CAMTA1: variants seen among roughly 807,000 people sequenced by gnomAD.
The protein encoded by CAMTA1 is calmodulin binding transcription activator 1.
Under a neutral mutation model 170.9 loss-of-function variants are expected in CAMTA1, and 27 were observed. The observed-to-expected ratio is 0.16, with a 90% CI of 0.12 to 0.22. The LOEUF (loss-of-function observed/expected upper bound fraction) is 0.22. Ranked by LOEUF, CAMTA1 falls within the 10% of genes least tolerant of loss-of-function variation. CAMTA1 has a pLI of 1.00. For missense variants in CAMTA1, 1,619 were observed against 2,217.2 expected, an observed-to-expected ratio of 0.73 and a Z score of 5.42; for synonymous variants, 833 against 891.5, an observed-to-expected ratio of 0.93 and a Z score of 1.17.
At chr1:7,388,667 G>A (rs2088312122) in intron 5 of CAMTA1, among the ~76,000 whole-genome samples, 1 of 152,182 alleles carries the variant, frequency 6.6e-6, no homozygotes, top group Non-Finnish European at 1.5e-5. Context: ...CTGAGTCCAG[G>A]GGGCCTGGCC....
chr1:7,205,019 C>T (rs944870001), intron 4 of CAMTA1, among the ~76,000 whole-genome samples: 1 of 151,676 alleles, frequency 6.6e-6, no homozygotes, highest in African/African-American at 2.4e-5. Flanking sequence ...TTAGTAGAGA[C>T]GGGGTTTCAC....
chr1:7,346,366 C>T (rs2084219189), intron 5 of CAMTA1, among the ~76,000 whole-genome samples: 1 of 152,176 alleles, frequency 6.6e-6, no homozygotes, highest in Admixed American at 6.5e-5. Context: ...TTCTGATTGT[C>T]TCTGGATCTG....
intron 5 of CAMTA1, among the ~76,000 whole-genome samples, chr1:7,331,364 G>A (rs2083026978): frequency 6.6e-6 from 1 of 152,176 alleles, no homozygotes; most frequent in Non-Finnish European, 1.5e-5. Flanking sequence ...CCTCATGCGG[G>A]TCTCAGGACC....
rs546769499 is a variant in CAMTA1 at position 7,580,985 on chromosome 1, G to A, written c.511-59415G>A. ...TAAAAGGTTGTTGAGAAAATGGAAC[G>A]ACTGCAGAGCTTAGTAAAGTGCCAC... On this transcript the variant is annotated intron_variant, in intron 6 of 22. Coordinates refer to ENST00000303635, the MANE Select transcript of CAMTA1 (RefSeq NM_015215.4). The surrounding 1 kb of genome is among the most constrained non-coding windows in gnomAD (Gnocchi z 4.3). Among the ~76,000 whole-genome samples the A allele has an allele frequency of 3.4e-4, 51 of 152,220 alleles. No homozygotes were observed. Among genetic ancestry groups the A allele is most frequent in the Admixed American group, 1.2e-3 (18 of 15,286 alleles).
intron 6 of CAMTA1, among the ~76,000 whole-genome samples, chr1:7,604,004 A>G (rs2095466786): frequency 6.6e-6 from 1 of 152,186 alleles, no homozygotes; most frequent in Admixed American, 6.5e-5. Context: ...AATGTTGAAT[A>G]TTGGCCCCCA....
intron 5 of CAMTA1, among the ~76,000 whole-genome samples, chr1:7,366,754 C>A (rs1007974098): frequency 6.6e-6 from 1 of 152,226 alleles, no homozygotes; most frequent in Non-Finnish European, 1.5e-5. Flanking sequence ...CAGCCTTGTG[C>A]GTTGACAGGA....
chr1:6,946,768 T>C (rs1005861101), intron 3 of CAMTA1, among the ~76,000 whole-genome samples: 43 of 152,348 alleles, frequency 2.8e-4, no homozygotes, highest in African/African-American at 1.0e-3. Flanking sequence ...ATGGGTTGTC[T>C]TTTCACTTCC....
intron 3 of CAMTA1, among the ~76,000 whole-genome samples, chr1:7,028,895 A>G (rs530215597): frequency 6.6e-6 from 1 of 152,100 alleles, no homozygotes; most frequent in South Asian, 2.1e-4. Flanking sequence ...TCAGATAAGT[A>G]CTAAGAAGGA....
chr1:7,155,999 T>A (rs1331448672), intron 4 of CAMTA1, among the ~76,000 whole-genome samples: 1 of 152,058 alleles, frequency 6.6e-6, no homozygotes, highest in Non-Finnish European at 1.5e-5. Context: ...ACAGCTGTAA[T>A]CTCAGCACTT....
At chr1:7,296,670 G>C (rs1490380962) in intron 5 of CAMTA1, among the ~76,000 whole-genome samples, 1 of 152,128 alleles carries the variant, frequency 6.6e-6, no homozygotes, top group Non-Finnish European at 1.5e-5. Flanking sequence ...TCTAGGGGGA[G>C]AATAAAGAGT....
chr1:7,532,453 G>C lies in CAMTA1; in HGVS notation c.510+64552G>C. 6.6e-6 allele frequency among the ~76,000 whole-genome samples: 1 copy of C among 151,956 alleles called. No homozygotes were observed. The highest frequency in any genetic ancestry group is 6.5e-5 in the Admixed American group (1 of 15,270). On this transcript the variant is annotated intron_variant, in intron 6 of 22. Coordinates refer to ENST00000303635, the MANE Select transcript of CAMTA1 (RefSeq NM_015215.4). This position sits in a 1 kb window ranked among gnomAD's most constrained non-coding sequence, Gnocchi z 4.2. ...TGGGACTACAGGCACACACCCCTGT[G>C]CCCAGCTAATTTTTATTTTATGTTT...
chr1:7,027,169 C>T lies in CAMTA1; in HGVS notation c.235-64135C>T, dbSNP rs568628727. 5.3e-5 allele frequency among the ~76,000 whole-genome samples: 8 copies of T among 152,140 alleles called. No individual in the cohort carries two copies. The East Asian group carries it at 1.4e-3, about 26-fold the overall frequency. ...AACAGTTGAAGAAGGGTCAGTGATA[C>T]AACGTTATCTTTCTCGCCTCTGGAG... is the stretch of plus-strand genomic sequence containing the variant. On this transcript the variant is annotated intron_variant, in intron 3 of 22. Transcript: ENST00000303635.
intron 5 of CAMTA1, among the ~76,000 whole-genome samples, chr1:7,270,291 A>ATATTT (rs1336977888): frequency 1.0e-4 from 11 of 110,540 alleles, no homozygotes; most frequent in African/African-American, 2.0e-4. Flanking sequence ...ATATATATAT[A>ATATTT]TTTTTTTTTT....
rs752430411 is a variant in CAMTA1 at position 7,664,651 on chromosome 1, G to A, written c.2104G>A (p.Glu702Lys). The A allele has an allele frequency of 1.4e-5, 23 of 1,606,352 alleles. No homozygotes were observed. Among genetic ancestry groups the A allele is most frequent in the Non-Finnish European group, 1.7e-5 (20 of 1,174,680 alleles). The change falls in exon 9 of 23, where the codon GAG becomes AAG. Residue 702 changes from glutamate to lysine, a missense_variant. Transcript: ENST00000303635. ...GACCTCGCAGGCGGCGGAAGGGAGC[G>A]AGGTCCTGCTCAAGTCTGGGGAGCT... ...METSQAAEGS[E>K]VLLKSGELQA...
chr1:7,377,663 A>G (rs2086946717), intron 5 of CAMTA1, among the ~76,000 whole-genome samples: 1 of 152,166 alleles, frequency 6.6e-6, no homozygotes, highest in African/African-American at 2.4e-5. Context: ...TCTGCTTTTA[A>G]AAATAAAGGT....
At chr1:7,276,303 A>ATATAATTTTTTTTTTT in intron 5 of CAMTA1, among the ~76,000 whole-genome samples, 3 of 24,228 alleles carry the variant, frequency 1.2e-4, no homozygotes, top group African/African-American at 3.0e-4. Context: ...ATATATATAT[A>ATATAATTTTTTTTTTT]TTTTTTTTTT....
intron 6 of CAMTA1, among the ~76,000 whole-genome samples, chr1:7,493,644 G>A (rs1410698907): frequency 3.2e-3 from 1 of 312 alleles, no homozygotes; most frequent in East Asian, 0.083. Context: ...CCAGGGAACT[G>A]GGGGGGGGGG....
At position 7,455,034 on chromosome 1, in the gene CAMTA1, C is replaced by T. The variant is rs1430553549; in HGVS notation, c.439-12796C>T. Among the ~76,000 whole-genome samples, 1 of 152,174 alleles carries T rather than the reference C, an allele frequency of 6.6e-6. No homozygotes were observed. Among genetic ancestry groups the T allele is most frequent in the African/African-American group, 2.4e-5 (1 of 41,448 alleles). On this transcript the variant is annotated intron_variant, in intron 5 of 22. Coordinates refer to ENST00000303635, the MANE Select transcript of CAMTA1 (RefSeq NM_015215.4). This position sits in a 1 kb window ranked among gnomAD's most constrained non-coding sequence, Gnocchi z 5.0. ...ATCCCCCTGCTCCGTGCCAGAGCCT[C>T]GGAGGTTCCGATGCACTCAGGGCCC...
intron 6 of CAMTA1, among the ~76,000 whole-genome samples, chr1:7,591,421 C>T (rs568884283): frequency 5.9e-5 from 9 of 152,298 alleles, no homozygotes; most frequent in Admixed American, 5.9e-4. Context: ...TTAACAAGTT[C>T]TTGGATAAAT....
Sources: allele counts gnomAD v4.1 joint callset (sites outside exome capture counted in the v4.1 genomes callset), GRCh38; gene constraint gnomAD v4.1.1; non-coding constraint Gnocchi (gnomAD v3.1); transcripts MANE v1.5; gene names NCBI Gene and HGNC (gene_info 2026-07-23, HGNC 2026-07-21).